TBL1Y: variants seen among roughly 807,000 people sequenced by gnomAD.
TBL1Y encodes F-box-like/WD repeat-containing protein TBL1Y.
TBL1Y carries 15 observed loss-of-function variants against 12.0 expected under a neutral mutation model. That is an observed-to-expected ratio of 1.25 (90% confidence interval 0.83 to 1.92). The LOEUF (loss-of-function observed/expected upper bound fraction) is 1.92. Ranked by LOEUF, TBL1Y falls within the 40% of genes most tolerant of loss-of-function variation. The pLI, the probability that TBL1Y is intolerant of heterozygous loss-of-function variation, is 0.00. For missense variants in TBL1Y, 148 were observed against 116.7 expected (o/e 1.27, Z -1.24); for synonymous variants, 53 against 42.6 (o/e 1.24, Z -0.95).
At chrY:7,007,934 C>T (rs2012496882) in intron 4 of TBL1Y, among the ~76,000 whole-genome samples, 1 of 33,376 alleles carries the variant, frequency 3.0e-5, no homozygotes. Flanking sequence ...GCACTGTGCT[C>T]GCTTAGTGGC....
chrY:7,044,922 A>G (rs754019989), intron 7 of TBL1Y, among the ~76,000 whole-genome samples: 1 of 33,814 alleles, frequency 3.0e-5, no homozygotes, highest in South Asian at 6.7e-4. Context: ...CTGGGACTAC[A>G]GATATGAGCC....
At chrY:6,914,981 G>A in intron 2 of TBL1Y, among the ~76,000 whole-genome samples, 1 of 33,446 alleles carries the variant, frequency 3.0e-5, no homozygotes, top group African/African-American at 1.2e-4. Flanking sequence ...CCCTCACTGA[G>A]TGTTGAATTT....
chrY:6,966,833 TTCTC>T (rs1569363835), intron 2 of TBL1Y, among the ~76,000 whole-genome samples: 7 of 31,108 alleles, frequency 2.3e-4, no homozygotes, highest in Non-Finnish European at 4.0e-4. Flanking sequence ...CAGAGCAGTC[TTCTC>T]TCTCTCTCTC....
At chrY:7,064,246 T>G in intron 8 of TBL1Y, 97 bp downstream of exon 8, 2 of 258,752 alleles carry the variant, frequency 7.7e-6, no homozygotes, top group Non-Finnish European at 1.2e-5. Flanking sequence ...AAAACCTACC[T>G]GATATAAATG....
intron 3 of TBL1Y, among the ~76,000 whole-genome samples, chrY:6,991,954 C>G (rs750394882): frequency 2.9e-5 from 1 of 34,039 alleles, no homozygotes; most frequent in South Asian, 6.6e-4. Flanking sequence ...CTTAAGATGC[C>G]AGAGCCCATA....
intron 6 of TBL1Y, 165 bp from the exon 7 acceptor site, chrY:7,042,815 C>A: frequency 4.6e-6 from 1 of 216,750 alleles, no homozygotes; most frequent in Non-Finnish European, 5.6e-6. Context: ...CCTTTTCCAC[C>A]TTACTGAGCC....
chrY:6,997,073 T>A, intron 4 of TBL1Y, among the ~76,000 whole-genome samples: 1 of 33,809 alleles, frequency 3.0e-5, no homozygotes, highest in Admixed American at 2.7e-4. Flanking sequence ...GTAAAGCTAC[T>A]CTTCTGTGCT....
At chrY:6,939,661 C>CT (rs2011932194) in intron 2 of TBL1Y, among the ~76,000 whole-genome samples, 22 of 21,354 alleles carry the variant, frequency 1.0e-3, no homozygotes, top group South Asian at 6.7e-3. Context: ...TTTTTTGTCT[C>CT]TTTTTTTTTT....
At chrY:6,936,438 T>A (rs113481612) in intron 2 of TBL1Y, among the ~76,000 whole-genome samples, 209 of 34,106 alleles carry the variant, frequency 6.1e-3, no homozygotes, top group African/African-American at 0.022. Flanking sequence ...CATCTCTTTG[T>A]CCTGTGAAAA....
intron 18 of TBL1Y, among the ~76,000 whole-genome samples, chrY:7,090,441 T>G: frequency 5.8e-5 from 2 of 34,299 alleles, no homozygotes. Flanking sequence ...AAATTGGTGG[T>G]TCTCAACCAA....
At chrY:7,070,354 C>T in intron 9 of TBL1Y, 26 bp downstream of exon 9, 1 of 394,431 alleles carries the variant, frequency 2.5e-6, no homozygotes, top group Non-Finnish European at 3.6e-6. Flanking sequence ...TGGGGGCACT[C>T]CAGGGTCAGG....
chrY:7,055,126 A>G (rs1055448215), intron 7 of TBL1Y, among the ~76,000 whole-genome samples: 3 of 34,452 alleles, frequency 8.7e-5, no homozygotes. Context: ...ACTGGTGTGT[A>G]CCATGTGTAA....
intron 3 of TBL1Y, among the ~76,000 whole-genome samples, chrY:6,987,534 T>A: frequency 3.0e-5 from 1 of 32,818 alleles, no homozygotes; most frequent in Non-Finnish European, 7.5e-5. Context: ...GGTCTTGAAC[T>A]CCTGACCTCA....
At chrY:6,986,930 C>T in intron 3 of TBL1Y, among the ~76,000 whole-genome samples, 1 of 33,406 alleles carries the variant, frequency 3.0e-5, no homozygotes, top group African/African-American at 1.2e-4. Context: ...TGAACACTTA[C>T]ATTTGCCCAC....
intron 3 of TBL1Y, among the ~76,000 whole-genome samples, chrY:6,987,222 A>G: frequency 6.0e-5 from 2 of 33,147 alleles, no homozygotes; most frequent in Non-Finnish European, 1.5e-4. Flanking sequence ...TTCCGTAACT[A>G]CAGGGAAACT....
chrY:6,992,057 C>T (rs1603035148), intron 3 of TBL1Y, among the ~76,000 whole-genome samples: 2 of 33,898 alleles, frequency 5.9e-5, no homozygotes, highest in Non-Finnish European at 1.5e-4. Flanking sequence ...TGGCACTGGA[C>T]GATGTCCAAG....
intron 3 of TBL1Y, among the ~76,000 whole-genome samples, chrY:6,978,738 TCTCTAAAGATTAGTTTCTCC>T (rs2012261531): frequency 3.0e-5 from 1 of 33,211 alleles, no homozygotes; most frequent in Admixed American, 2.8e-4. Context: ...ATTTTTTTTG[TCTCTAAAGATTAGTTTCTCC>T]CTCTAAAGAT....
At chrY:6,976,848 G>T in intron 2 of TBL1Y, among the ~76,000 whole-genome samples, 1 of 33,276 alleles carries the variant, frequency 3.0e-5, no homozygotes, top group African/African-American at 1.2e-4. Flanking sequence ...TGATTCCCCC[G>T]CAGTCCTTCT....
At chrY:6,985,583 G>A (rs1603033931) in intron 3 of TBL1Y, among the ~76,000 whole-genome samples, 9 of 32,785 alleles carry the variant, frequency 2.7e-4, no homozygotes, top group African/African-American at 1.1e-3. Context: ...GTGCTTATAC[G>A]AACACCCACA....
Sources: allele counts gnomAD v4.1 joint callset (sites outside exome capture counted in the v4.1 genomes callset), GRCh38; gene constraint gnomAD v4.1.1; transcripts MANE v1.5; gene names NCBI Gene and HGNC (gene_info 2026-07-23, HGNC 2026-07-21).